Variants in MAP3K5 observed in about 807,000 individuals in gnomAD.
The protein encoded by MAP3K5 is ASK-1.
MAP3K5 carries 56 observed loss-of-function variants against 158.7 expected under a neutral mutation model. The observed-to-expected ratio is 0.35, with a 90% CI of 0.28 to 0.44. The LOEUF (loss-of-function observed/expected upper bound fraction) is 0.44, where lower values mean the gene tolerates loss of function less well. MAP3K5 is among the 20% of genes least tolerant of loss of function. The pLI, the probability that MAP3K5 is intolerant of heterozygous loss-of-function variation, is 1.00. For missense variants in MAP3K5, 1,294 were observed against 1,674.8 expected (o/e 0.77, Z 3.97); for synonymous variants, 579 against 601.7 (o/e 0.96, Z 0.55).
At chr6:136,741,885 G>T (rs897265768) in intron 1 of MAP3K5, among the ~76,000 whole-genome samples, 22 of 152,052 alleles carry the variant, frequency 1.4e-4, no homozygotes, top group African/African-American at 5.1e-4. Flanking sequence ...AAAACACAAT[G>T]CCATTTACAT....
intron 1 of MAP3K5, among the ~76,000 whole-genome samples, chr6:136,756,573 T>C (rs746728122): frequency 2.6e-5 from 4 of 152,170 alleles, no homozygotes; most frequent in African/African-American, 4.8e-5. Context: ...GGGTATTGCC[T>C]GTGTTGTACT....
chr6:136,710,358 T>C (rs187425128), intron 2 of MAP3K5, among the ~76,000 whole-genome samples: 117 of 152,320 alleles, frequency 7.7e-4, no homozygotes, highest in African/African-American at 2.4e-3. Flanking sequence ...ATTACCCCAC[T>C]ACAACTCCAT....
At chr6:136,561,888 T>A (rs1830531430) in intron 27 of MAP3K5, among the ~76,000 whole-genome samples, 1 of 152,262 alleles carries the variant, frequency 6.6e-6, no homozygotes, top group Admixed American at 6.5e-5. Context: ...CACTTTCATA[T>A]CAATTTTATG....
chr6:136,610,847 G>T (rs898124562), intron 18 of MAP3K5, among the ~76,000 whole-genome samples: 1 of 151,924 alleles, frequency 6.6e-6, no homozygotes, highest in Non-Finnish European at 1.5e-5. Flanking sequence ...AGTGGCTCAC[G>T]CCTGTAATCC....
At chr6:136,781,787 T>C (rs915524930) in intron 1 of MAP3K5, among the ~76,000 whole-genome samples, 8 of 152,186 alleles carry the variant, frequency 5.3e-5, no homozygotes, top group African/African-American at 1.9e-4. Context: ...AAATTATAAA[T>C]TGGGAAATAT....
At chr6:136,574,439 G>C (rs1774507774) in intron 25 of MAP3K5, among the ~76,000 whole-genome samples, 1 of 152,142 alleles carries the variant, frequency 6.6e-6, no homozygotes, top group African/African-American at 2.4e-5. Flanking sequence ...AATTATTGTT[G>C]ATAGAGGAAG....
Position 136,557,419 on chromosome 6 carries a change from C to T in MAP3K5, c.*339G>A, listed in dbSNP as rs747725941. 29 of 218,442 alleles carry T rather than the reference C, an allele frequency of 1.3e-4. 1 individual carries two copies. The Middle Eastern group carries it at 5.4e-3, about 40-fold the overall frequency. 13.5% of individuals were successfully genotyped at this position (218,442 alleles called of 1,614,324 possible). On this transcript the variant is annotated 3_prime_UTR_variant, in exon 30 of 30. Coordinates refer to ENST00000359015, the MANE Select transcript of MAP3K5 (RefSeq NM_005923.4). Reference sequence around the variant, plus strand: ...GCACGATCACATGAAATGTTACATCCGTTTTGTGTGAAATAAACATTTGGC... The same window carrying T: ...GCACGATCACATGAAATGTTACATCTGTTTTGTGTGAAATAAACATTTGGC...
rs552428322 is a variant in MAP3K5, at chr6:136,773,672, G to C, written c.448+18038C>G. ...GGTTCGTTGGTTGTTTTCTGAGACA[G>C]AGTCTGGCTGTTTCACCCAGGCTGG... On this transcript the variant is annotated intron_variant, in intron 1 of 29. Transcript: ENST00000359015. Among the ~76,000 whole-genome samples, 6 of 152,224 alleles carry C rather than the reference G, an allele frequency of 3.9e-5. No individual in the cohort carries two copies. In the East Asian group the frequency reaches 1.2e-3, roughly 29 times the overall value.
At chr6:136,614,102 T>C (rs750050529) in intron 16 of MAP3K5, 57 bp downstream of exon 16, 4 of 1,577,506 alleles carry the variant, frequency 2.5e-6, no homozygotes, top group Non-Finnish European at 3.4e-6. Context: ...CATTCAATTT[T>C]ACTCCCCTCC....
intron 9 of MAP3K5, among the ~76,000 whole-genome samples, chr6:136,656,832 G>C (rs1469479799): frequency 6.6e-6 from 1 of 152,150 alleles, no homozygotes; most frequent in Non-Finnish European, 1.5e-5. Flanking sequence ...ATGTTGGCCA[G>C]GCTGGTCTCG....
intron 7 of MAP3K5, among the ~76,000 whole-genome samples, chr6:136,693,717 C>T (rs944632886): frequency 5.9e-5 from 9 of 152,090 alleles, no homozygotes; most frequent in East Asian, 1.9e-4. Context: ...AAGATTGGCC[C>T]GGTGGCTCAC....
rs527858618 is a variant in MAP3K5 at position 136,676,452 on chromosome 6, A to G, written c.1254-7057T>C. ...TTGCATATCACTTTCACTGTGTTACATTATTCACTGTGTTACATCTTAATG... is the reference window on the plus strand; with the variant it reads ...TTGCATATCACTTTCACTGTGTTACGTTATTCACTGTGTTACATCTTAATG... On this transcript the variant is annotated intron_variant, in intron 7 of 29. Transcript: ENST00000359015. 5.3e-5 allele frequency among the ~76,000 whole-genome samples: 8 copies of G among 152,326 alleles called. No individual in the cohort carries two copies. The South Asian group carries it at 1.7e-3, about 32-fold the overall frequency.
Position 136,655,287 on chromosome 6 carries a change from G to C in MAP3K5, c.1680+1020C>G, listed in dbSNP as rs76259163. Among the ~76,000 whole-genome samples the C allele has an allele frequency of 2.3e-3, 352 of 152,280 alleles. 11 individuals carry two copies. In the East Asian group the frequency reaches 0.048, roughly 21 times the overall value. The stretch of plus-strand genomic sequence containing the variant: ...TGAGAGCACCAGCTACAGGCAAGCT[G>C]CCAGCTCATTCTAAGGTAAGTATTT... On this transcript the variant is annotated intron_variant, in intron 10 of 29. Coordinates refer to ENST00000359015, the MANE Select transcript of MAP3K5 (RefSeq NM_005923.4).
At chr6:136,683,215 T>C (rs1322047454) in intron 7 of MAP3K5, among the ~76,000 whole-genome samples, 3 of 152,200 alleles carry the variant, frequency 2.0e-5, no homozygotes, top group Admixed American at 6.5e-5. Flanking sequence ...AATAATCCCA[T>C]CCTCTTTGCT....
chr6:136,698,914 C>T (rs1386764821), intron 3 of MAP3K5, among the ~76,000 whole-genome samples: 1 of 152,110 alleles, frequency 6.6e-6, no homozygotes, highest in Non-Finnish European at 1.5e-5. Flanking sequence ...AGTTTCTATC[C>T]ATCAATTTAA....
chr6:136,750,386 C>A (rs1783152864), intron 1 of MAP3K5, among the ~76,000 whole-genome samples: 1 of 152,080 alleles, frequency 6.6e-6, no homozygotes, highest in South Asian at 2.1e-4. Context: ...CCTTGTCCTG[C>A]CAGTTTTTCA....
intron 1 of MAP3K5, among the ~76,000 whole-genome samples, chr6:136,778,609 G>A (rs984698466): frequency 3.9e-5 from 6 of 152,326 alleles, no homozygotes; most frequent in South Asian, 2.1e-4. Context: ...GTCTGCTGAT[G>A]TGATGCCTGT....
chr6:136,792,357 C>A lies in MAP3K5; in HGVS notation c.-200G>T. 1 of 1,004,668 alleles carries A rather than the reference C, an allele frequency of 1.0e-6. No homozygotes were observed. The highest frequency in any genetic ancestry group is 1.2e-6 in the Non-Finnish European group (1 of 844,088). The allele number at this position is 1,004,668 out of a possible 1,614,324, so 62.2% of individuals were successfully genotyped here. A position where few individuals can be genotyped will look rare whatever the true frequency, so the allele number is the denominator to read the frequency against. ...GCTGCCCGGCGGCGGCTCGCTCCTC[C>A]TCGGCGCCTCCGTGGCCGCGCCGCT... On this transcript the variant is annotated 5_prime_UTR_variant, in exon 1 of 30. The change creates a new upstream start codon in the 5' untranslated region. Transcript: ENST00000359015. The surrounding 1 kb of genome is among the most constrained non-coding windows in gnomAD (Gnocchi z 5.7).
At position 136,639,464 on chromosome 6, in the gene MAP3K5, G is replaced by A. The variant is rs532679450; in HGVS notation, c.1934+79C>T. The stretch of plus-strand genomic sequence containing the variant: ...CCACATAGCCATGCATTCTTCACAG[G>A]AGGTACATGTTCACTCATTACTTGA... On this transcript the variant is annotated intron_variant, in intron 13 of 29. Coordinates refer to ENST00000359015, the MANE Select transcript of MAP3K5 (RefSeq NM_005923.4). The A allele has an allele frequency of 5.7e-5, 40 of 703,142 alleles. No homozygotes were observed. In the African/African-American group the frequency reaches 6.5e-4, roughly 11 times the overall value. The allele number at this position is 703,142 out of a possible 1,614,324, so 43.6% of individuals were successfully genotyped here. A position where few individuals can be genotyped will look rare whatever the true frequency, so the allele number is the denominator to read the frequency against.
Sources: allele counts gnomAD v4.1 joint callset (sites outside exome capture counted in the v4.1 genomes callset), GRCh38; gene constraint gnomAD v4.1.1; non-coding constraint Gnocchi (gnomAD v3.1); transcripts MANE v1.5; gene names NCBI Gene and HGNC (gene_info 2026-07-23, HGNC 2026-07-21).